The following PRKG1 variants were observed in gnomAD, a reference collection of about 807,000 sequenced individuals.
PRKG1 encodes the protein cGMP-dependent protein kinase 1.
A neutral mutation model predicts 88.1 loss-of-function variants in PRKG1; 35 were observed. The observed-to-expected ratio is 0.40, with a 90% CI of 0.30 to 0.53. PRKG1 has a LOEUF of 0.53. PRKG1 is among the 20% of genes least tolerant of loss of function. The pLI, the probability that PRKG1 is intolerant of heterozygous loss-of-function variation, is 0.59. For synonymous variants in PRKG1, 303 were observed against 292.5 expected, an observed-to-expected ratio of 1.04 and a Z score of -0.37; for missense variants, 540 against 839.8, an observed-to-expected ratio of 0.64 and a Z score of 4.41.
Position 51,048,759 on chromosome 10 carries a change from T to C in PRKG1, c.266+57115T>C, listed in dbSNP as rs571189301. ...TTTCCACTAGACAAGTGGCCAACAG[T>C]GATGGTTAATTTACTTCAGTAGTAT... is the stretch of plus-strand genomic sequence containing the variant. On this transcript the variant is annotated intron_variant, in intron 1 of 17. Coordinates refer to the PRKG1 transcript ENST00000401604. Among the ~76,000 whole-genome samples, 5 of 152,194 alleles carry C rather than the reference T, an allele frequency of 3.3e-5. No individual in the cohort carries two copies. In the South Asian group the frequency reaches 1.0e-3, roughly 32 times the overall value.
intron 1 of PRKG1, among the ~76,000 whole-genome samples, chr10:51,097,072 G>T (rs1485774941): frequency 6.6e-6 from 1 of 152,172 alleles, no homozygotes; most frequent in Admixed American, 6.5e-5. Context: ...TTAGGTCTCA[G>T]CCTAGCAGTC....
At chr10:51,721,558 C>T (rs1842014130) in intron 3 of PRKG1, among the ~76,000 whole-genome samples, 1 of 152,160 alleles carries the variant, frequency 6.6e-6, no homozygotes, top group Non-Finnish European at 1.5e-5. Flanking sequence ...GAACAGCTAT[C>T]CTTGGATCTA....
At chr10:51,217,507 T>C (rs1226605821) in intron 2 of PRKG1, among the ~76,000 whole-genome samples, 2 of 151,984 alleles carry the variant, frequency 1.3e-5, no homozygotes, top group Non-Finnish European at 2.9e-5. Context: ...ATTGTGAGGG[T>C]GTTGGATTAT....
In PRKG1 at chr10:51,723,589, C is replaced by T. The variant is rs1426538215; in HGVS notation, c.593-80996C>T. Among the ~76,000 whole-genome samples, 8 of 150,608 alleles carry T rather than the reference C, an allele frequency of 5.3e-5. No individual in the cohort carries two copies. In the Admixed American group the frequency reaches 5.3e-4, roughly 10 times the overall value. On this transcript the variant is annotated intron_variant, in intron 3 of 17. Coordinates refer to ENST00000373980, the MANE Select transcript of PRKG1 (RefSeq NM_006258.4). ...ATATCTATGTAACCTGCATGTTCTG[C>T]ACATGTATCCCAGAACTTAAAGCAT...
At chr10:51,295,480 C>A (rs865867305) in intron 2 of PRKG1, among the ~76,000 whole-genome samples, 15 of 151,934 alleles carry the variant, frequency 9.9e-5, no homozygotes, top group African/African-American at 3.6e-4. Flanking sequence ...TAATTTTATA[C>A]CCTGAAACTT....
chr10:51,418,178 A>C (rs1222609985), intron 2 of PRKG1, among the ~76,000 whole-genome samples: 1 of 152,208 alleles, frequency 6.6e-6, no homozygotes, highest in Non-Finnish European at 1.5e-5. Flanking sequence ...GAATAAGCTC[A>C]TGTATCTCAT....
intron 5 of PRKG1, among the ~76,000 whole-genome samples, chr10:52,042,514 A>G (rs963761070): frequency 1.3e-5 from 2 of 152,186 alleles, no homozygotes; most frequent in Non-Finnish European, 2.9e-5. Flanking sequence ...AAAACTGGAT[A>G]TCCACATGCA....
intron 9 of PRKG1, among the ~76,000 whole-genome samples, chr10:52,171,785 AATTTTTTTTTTTTT>A (rs1393739641): frequency 8.2e-6 from 1 of 122,642 alleles, no homozygotes; most frequent in African/African-American, 3.6e-5. Context: ...CTTTTATCAA[AATTTTTTTTTTTTT>A]TTTTTTTTTT....
At chr10:52,088,963 T>C (rs1366804898) in intron 7 of PRKG1, among the ~76,000 whole-genome samples, 3 of 152,246 alleles carry the variant, frequency 2.0e-5, no homozygotes, top group East Asian at 3.9e-4. Flanking sequence ...GGCACATGAG[T>C]GATTGAAACT....
chr10:51,078,847 A>G (rs1844035705), intron 1 of PRKG1, among the ~76,000 whole-genome samples: 1 of 151,780 alleles, frequency 6.6e-6, no homozygotes, highest in South Asian at 2.1e-4. Context: ...TGATCTCCTG[A>G]CCTCATGATC....
intron 5 of PRKG1, among the ~76,000 whole-genome samples, chr10:52,054,189 T>C (rs548038201): frequency 6.6e-6 from 1 of 152,150 alleles, no homozygotes; most frequent in African/African-American, 2.4e-5. Flanking sequence ...ATGAGCATTA[T>C]AGCACACCAG....
At chr10:51,581,982 C>T (rs12265406) in intron 3 of PRKG1, among the ~76,000 whole-genome samples, 32,046 of 151,310 alleles carry the variant, frequency 0.21, 4,850 homozygotes, top group African/African-American at 0.43. Context: ...CCACAAAGCA[C>T]GTTTGTTTAG....
At chr10:51,875,280 G>A (rs918537753) in intron 4 of PRKG1, among the ~76,000 whole-genome samples, 10 of 150,556 alleles carry the variant, frequency 6.6e-5, no homozygotes, top group Admixed American at 1.3e-4. Context: ...CTGGTAACTG[G>A]TGAATGTGAG....
chr10:51,588,908 TC>T (rs1204493883), intron 3 of PRKG1, among the ~76,000 whole-genome samples: 2 of 152,172 alleles, frequency 1.3e-5, no homozygotes, highest in Non-Finnish European at 2.9e-5. Flanking sequence ...CCCTTTTTTT[TC>T]AATGATTCTA....
chr10:52,033,925 AG>A (rs1211074005), intron 5 of PRKG1, among the ~76,000 whole-genome samples: 5 of 149,980 alleles, frequency 3.3e-5, no homozygotes, highest in South Asian at 2.1e-4. Flanking sequence ...TTACAGTCAA[AG>A]GGGGGTTGTT....
At chr10:51,290,035 T>C (rs1840542616) in intron 2 of PRKG1, among the ~76,000 whole-genome samples, 1 of 152,168 alleles carries the variant, frequency 6.6e-6, no homozygotes, top group Non-Finnish European at 1.5e-5. Flanking sequence ...TATTCTTTGA[T>C]AATTTGCTGT....
intron 2 of PRKG1, among the ~76,000 whole-genome samples, chr10:51,412,649 A>G (rs1389433219): frequency 6.6e-6 from 1 of 152,148 alleles, no homozygotes; most frequent in African/African-American, 2.4e-5. Context: ...GTCTCAAACA[A>G]TAAATATATA....
intron 7 of PRKG1, among the ~76,000 whole-genome samples, chr10:52,132,558 T>C (rs1156509843): frequency 1.3e-5 from 2 of 152,092 alleles, no homozygotes; most frequent in Admixed American, 1.3e-4. Flanking sequence ...TTCAAAAGTA[T>C]AAAAAGTCAC....
At chr10:52,242,927 A>G (rs1246698808) in intron 9 of PRKG1, among the ~76,000 whole-genome samples, 1 of 151,596 alleles carries the variant, frequency 6.6e-6, no homozygotes, top group Admixed American at 6.6e-5. Context: ...GAAAGAGAAG[A>G]AGAAGAAAGA....
Sources: allele counts gnomAD v4.1 joint callset (sites outside exome capture counted in the v4.1 genomes callset), GRCh38; gene constraint gnomAD v4.1.1; transcripts MANE v1.5; gene names NCBI Gene and HGNC (gene_info 2026-07-23, HGNC 2026-07-21).